The following PSMD6 variants were observed in gnomAD, a reference collection of about 807,000 sequenced individuals.
PSMD6 encodes the protein proteasome 26S subunit, non-ATPase 6, also known as 26S proteasome non-ATPase regulatory subunit 6.
Under a neutral mutation model 44.9 loss-of-function variants are expected in PSMD6, and 7 were observed. That is an observed-to-expected ratio of 0.16 (90% CI 0.09 to 0.29). PSMD6 has a LOEUF of 0.29. Ranked by LOEUF, PSMD6 falls within the 10% of genes least tolerant of loss-of-function variation. The probability of loss-of-function intolerance (pLI) is 1.00; values close to 1 mark genes in which losing one functional copy is unlikely to be tolerated. For synonymous variants in PSMD6, 184 were observed against 172.7 expected, an observed-to-expected ratio of 1.07 and a Z score of -0.51; for missense variants, 420 against 482.6, an observed-to-expected ratio of 0.87 and a Z score of 1.21.
intron 2 of PSMD6, 68 bp from the exon 3 acceptor site, chr3:64,019,509 T>A: frequency 6.6e-7 from 1 of 1,510,012 alleles, no homozygotes; most frequent in South Asian, 1.2e-5. Flanking sequence ...ATCAGCTGTC[T>A]GGGATTTTCT....
Position 64,023,386 on chromosome 3 carries a change from G to A in PSMD6, c.34C>T (p.Pro12Ser). ...PLENLEEEGL[P>S]KNPDLRIAQL... The stretch of plus-strand genomic sequence containing the variant: ...GCGATACGCAAGTCGGGGTTCTTGG[G>A]CAGACCCTCCTCCTCCAGGTTCTCC... Residue 12 changes from proline to serine, a missense_variant, in exon 1 of 8, where the codon CCC becomes TCC. Pro to Ser is a moderately conservative substitution (Grantham distance 74). This residue lies in a region of PSMD6 where 136 missense variants were observed against 124.2 expected (regional missense o/e 1.09). Transcript: ENST00000295901. The A allele has an allele frequency of 1.2e-6, 2 of 1,610,372 alleles. No homozygotes were observed. Among genetic ancestry groups the A allele is most frequent in the Non-Finnish European group, 1.7e-6 (2 of 1,177,754 alleles).
chr3:64,016,094 G>GGAGA (rs1219080051), intron 5 of PSMD6: 2 of 152,070 alleles, frequency 1.3e-5, no homozygotes, highest in Non-Finnish European at 2.9e-5. Context: ...GGCTGAGGCA[G>GGAGA]GAGAACGGCA....
chr3:64,023,004 A>G, intron 1 of PSMD6: 1 of 1,419,700 alleles, frequency 7.0e-7, no homozygotes, highest in Non-Finnish European at 9.2e-7. Context: ...TGCCTAGCAC[A>G]GGGGTAAATA....
chr3:64,021,748 T>A (rs746691663), intron 2 of PSMD6, among the ~76,000 whole-genome samples: 1 of 151,528 alleles, frequency 6.6e-6, no homozygotes. Flanking sequence ...CAGGTGGAGG[T>A]TGCAGTGAGC....
intron 5 of PSMD6, chr3:64,017,706 G>T (rs1418531365): frequency 6.6e-6 from 1 of 152,148 alleles, no homozygotes; most frequent in East Asian, 1.9e-4. Context: ...TTATATGCAT[G>T]GAGAAAGCAT....
intron 2 of PSMD6, among the ~76,000 whole-genome samples, chr3:64,020,398 T>A (rs1454270102): frequency 6.6e-6 from 1 of 152,114 alleles, no homozygotes; most frequent in Non-Finnish European, 1.5e-5. Context: ...ACAGAGGAAA[T>A]ATAATATTAG....
rs1289923547 is a variant in PSMD6 at position 64,018,655 on chromosome 3, C to T, written c.770G>A (p.Arg257Gln). The T allele has an allele frequency of 4.4e-6, 7 of 1,606,614 alleles. No individual in the cohort carries two copies. The highest frequency in any genetic ancestry group is 1.3e-5 in the African/African-American group (1 of 74,836). Residue 257 changes from arginine to glutamine, a missense_variant, in exon 5 of 8, where the codon CGG (arginine) becomes CAG (glutamine). By Grantham distance (43) the Arg-to-Gln change is conservative. Coordinates refer to ENST00000295901, the MANE Select transcript of PSMD6 (RefSeq NM_014814.3). ...LEVLHSLPAV[R>Q]QYLFSLYECR... ...TTCATAGAGTGAAAACAGATACTGC[C>T]GAACTGCTGGAAGACTGTGCAACAC...
At position 64,023,209 on chromosome 3, in the gene PSMD6, G is replaced by A. The variant is rs1324092188; in HGVS notation, c.145+66C>T. 23 of 1,480,762 alleles carry A rather than the reference G, an allele frequency of 1.6e-5. No individual in the cohort carries two copies. The Admixed American group carries it at 1.9e-4, about 12-fold the overall frequency. The allele number at this position is 1,480,762 out of a possible 1,614,324, so 91.7% of individuals were successfully genotyped here. ...TGGAGCTCCATCAAAAAAAGTCCCC[G>A]CAGGCTCCGGAACGCGGGGACGGCC... On this transcript the variant is annotated intron_variant, in intron 1 of 7. Coordinates refer to ENST00000295901, the MANE Select transcript of PSMD6 (RefSeq NM_014814.3).
Position 64,010,956 on chromosome 3 carries a change from CTAATT to C in PSMD6, c.996-6_996-2del. On this transcript the variant is annotated splice_acceptor_variant and splice_polypyrimidine_tract_variant and intron_variant, in intron 6 of 7. Coordinates refer to ENST00000295901, the MANE Select transcript of PSMD6 (RefSeq NM_014814.3). LOFTEE classifies it high-confidence loss of function. ...GGCAGCAATAAACCTGGACAGTTCC[CTAATT>C]TAGAGACAAAAAATAACAGAATTAG... The C allele has an allele frequency of 6.3e-7, 1 of 1,586,184 alleles. No homozygotes were observed. The highest frequency in any genetic ancestry group is 2.2e-5 in the East Asian group (1 of 44,602).
In PSMD6 at chr3:64,010,977, A is replaced by G. The variant is rs781709682; in HGVS notation, c.996-22T>C. 4 of 1,550,056 alleles carry G rather than the reference A, an allele frequency of 2.6e-6. No individual in the cohort carries two copies. The African/African-American group carries it at 4.1e-5, about 16-fold the overall frequency. ...TTCCCTAATTTAGAGACAAAAAATAACAGAATTAGCTTTATAGAAAATTCT... is the reference window on the plus strand; with the variant it reads ...TTCCCTAATTTAGAGACAAAAAATAGCAGAATTAGCTTTATAGAAAATTCT... On this transcript the variant is annotated intron_variant, in intron 6 of 7. Coordinates refer to ENST00000295901, the MANE Select transcript of PSMD6 (RefSeq NM_014814.3).
intron 5 of PSMD6, chr3:64,015,405 A>G (rs1346076437): frequency 3.3e-5 from 5 of 152,218 alleles, no homozygotes; most frequent in Non-Finnish European, 7.3e-5. Context: ...CAAAACTGGA[A>G]ACGACCTCGT....
chr3:64,019,315 T>C lies in PSMD6; in HGVS notation c.478A>G (p.Asn160Asp). ...FYMDNDLITR[N>D]TEKAKSLIEE... is the part of the protein sequence containing the mutation. ...AAGTACCTTTTGGCCTTTTCTGTGT[T>C]TCGTGTGATGAGATCATTATCCATA... The change falls in exon 3 of 8, where the codon AAC becomes GAC. Residue 160 changes from asparagine (N) to aspartate (D), a missense_variant. Asn to Asp is a conservative substitution (Grantham distance 23, BLOSUM62 1). Transcript: ENST00000295901. 2 of 1,586,868 alleles carry C rather than the reference T, an allele frequency of 1.3e-6. No individual in the cohort carries two copies. The highest frequency in any genetic ancestry group is 1.7e-6 in the Non-Finnish European group (2 of 1,155,498).
At chr3:64,011,453 T>C (rs2106837567) in intron 6 of PSMD6, 1 of 148,296 alleles carries the variant, frequency 6.7e-6, no homozygotes, top group African/African-American at 2.6e-5. Flanking sequence ...AATTATTGCT[T>C]TGCCCATTTT....
At chr3:64,022,915 C>T in intron 1 of PSMD6, 1 of 1,463,652 alleles carries the variant, frequency 6.8e-7, no homozygotes, top group Non-Finnish European at 9.1e-7. Flanking sequence ...CTTCCACAGG[C>T]AAGCTGAACT....
intron 1 of PSMD6, chr3:64,022,819 CTT>C: frequency 6.5e-7 from 1 of 1,535,968 alleles, no homozygotes; most frequent in Non-Finnish European, 8.7e-7. Context: ...CAGGGAAAGA[CTT>C]TTTATACACA....
chr3:64,023,090 C>A, intron 1 of PSMD6, 185 bp downstream of exon 1: 2 of 1,427,098 alleles, frequency 1.4e-6, no homozygotes, highest in Admixed American at 5.9e-5. Flanking sequence ...CCCGCTGAGG[C>A]AAGTCGAGGT....
At chr3:64,023,507 C>G (rs937647571), upstream of PSMD6, 4 of 1,428,976 alleles carry the variant, frequency 2.8e-6, no homozygotes, top group East Asian at 8.2e-5. Flanking sequence ...CGAATACGCC[C>G]GGCCGCCTGC....
At chr3:64,016,279 ATGTG>A (rs943106376) in intron 5 of PSMD6, 1 of 152,128 alleles carries the variant, frequency 6.6e-6, no homozygotes, top group Non-Finnish European at 1.5e-5. Context: ...ATGTGAGTGA[ATGTG>A]TGTATGGATT....
Position 64,022,974 on chromosome 3 carries a change from G to A in PSMD6, c.145+301C>T, listed in dbSNP as rs923158727. On this transcript the variant is annotated intron_variant, in intron 1 of 7. Transcript: ENST00000295901. ...CGGGAGCAGTCCCCACTGACAGAAA[G>A]TCACGGGGCCTTTACTCTGTGCCTA... 5 of 1,423,240 alleles carry A rather than the reference G, an allele frequency of 3.5e-6. No homozygotes were observed. In the African/African-American group the frequency reaches 5.8e-5, roughly 16 times the overall value. The allele number at this position is 1,423,240 out of a possible 1,614,324, so 88.2% of individuals were successfully genotyped here. A position where few individuals can be genotyped will look rare whatever the true frequency, so the allele number is the denominator to read the frequency against.
Sources: gnomAD v4.1 joint callset for allele counts (sites outside exome capture counted in the v4.1 genomes callset) on GRCh38, gnomAD v4.1.1 for gene constraint, gnomAD v4.1.1 regional missense constraint, MANE v1.5 for transcripts, NCBI Gene and HGNC (gene_info 2026-07-23, HGNC 2026-07-21) for gene names.